Variants in NBDY observed in about 807,000 individuals in gnomAD.
NBDY encodes the protein negative regulator of P-body association.
Position 56,731,982 on chromosome X carries a change from A to G in NBDY, c.*30-81A>G, listed in dbSNP as rs768856991. On this transcript the variant is annotated intron_variant, in intron 1 of 2. Coordinates refer to ENST00000374922, the MANE Select transcript of NBDY (RefSeq NM_001348129.2). ...ATTGAAATAGAGGTATGGGAAGGAT[A>G]ATGATTTGAGGAGACCAAGGGACAA... 5.3e-4 allele frequency: 151 copies of G among 284,210 alleles called. 1 individual carries two copies. Among genetic ancestry groups the G allele is most frequent in the African/African-American group, 4.0e-3 (146 of 36,274 alleles). 23.4% of individuals were successfully genotyped at this position (284,210 alleles called of 1,213,427 possible). A position where few individuals can be genotyped will look rare whatever the true frequency, so the allele number is the denominator to read the frequency against.
intron 2 of NBDY, among the ~76,000 whole-genome samples, chrX:56,758,136 C>G (rs2069620580): frequency 9.1e-6 from 1 of 110,116 alleles, no homozygotes; most frequent in South Asian, 3.9e-4. Context: ...GAATTTGAGA[C>G]CAGCCTGGCA....
chrX:56,767,220 G>A (rs1382389511), intron 2 of NBDY, among the ~76,000 whole-genome samples: 1 of 113,558 alleles, frequency 8.8e-6, no homozygotes, highest in African/African-American at 3.2e-5. Flanking sequence ...ATGAAACCTG[G>A]AGAGGTCCAA....
intron 2 of NBDY, among the ~76,000 whole-genome samples, chrX:56,735,488 C>T (rs1292241847): frequency 1.8e-5 from 2 of 111,816 alleles, no homozygotes; most frequent in African/African-American, 6.5e-5. Flanking sequence ...TCTATTTGTT[C>T]CCCTGTCCTT....
chrX:56,767,266 C>T (rs759502488), intron 2 of NBDY, among the ~76,000 whole-genome samples: 7 of 113,559 alleles, frequency 6.2e-5, no homozygotes, highest in Non-Finnish European at 1.1e-4. Context: ...CACAGCGTTC[C>T]GACAAGGTCT....
At chrX:56,729,768 C>T (rs1303586770) in intron 1 of NBDY, among the ~76,000 whole-genome samples, 179 bp downstream of exon 1, 1 of 111,987 alleles carries the variant, frequency 8.9e-6, no homozygotes, top group Non-Finnish European at 1.9e-5. Context: ...TATTTAACGA[C>T]ATTAAATAAT....
At chrX:56,762,665 C>G (rs1007179966) in intron 2 of NBDY, among the ~76,000 whole-genome samples, 3 of 110,985 alleles carry the variant, frequency 2.7e-5, no homozygotes, top group African/African-American at 9.8e-5. Flanking sequence ...GGAGCCTCAG[C>G]AAGTTTTCCC....
At chrX:56,792,179 T>A (rs1343408735) in intron 2 of NBDY, among the ~76,000 whole-genome samples, 1 of 110,928 alleles carries the variant, frequency 9.0e-6, no homozygotes, top group Non-Finnish European at 1.9e-5. Flanking sequence ...GGTCATCAGT[T>A]TAGTCCCTCT....
chrX:56,796,686 C>G (rs1427069945), intron 2 of NBDY, among the ~76,000 whole-genome samples: 1 of 111,167 alleles, frequency 9.0e-6, no homozygotes, highest in African/African-American at 3.3e-5. Context: ...GGGGGTCCTT[C>G]CCTGCCTTGG....
intron 2 of NBDY, among the ~76,000 whole-genome samples, chrX:56,782,995 A>C (rs764723386): frequency 8.9e-6 from 1 of 112,797 alleles, no homozygotes; most frequent in East Asian, 2.8e-4. Flanking sequence ...ACACACACAC[A>C]CACAGAAGTA....
chrX:56,798,635 G>A (rs1227064391), intron 2 of NBDY, among the ~76,000 whole-genome samples: 2 of 112,080 alleles, frequency 1.8e-5, no homozygotes, highest in Non-Finnish European at 3.8e-5. Context: ...GTCTTGGAAC[G>A]GCAGCCCTTT....
rs1267055188 is a variant in NBDY, at chrX:56,729,421, C to G, written c.68C>G (p.Pro23Arg). 3.4e-6 allele frequency: 1 copy of G among 295,415 alleles called. No individual in the cohort carries two copies. The highest frequency in any genetic ancestry group is 4.8e-5 in the East Asian group (1 of 20,951). 24.3% of individuals were successfully genotyped at this position (295,415 alleles called of 1,213,427 possible). ...CCTGGAAACGCACGGGAAGCCAAGC[C>G]TCCAAAAAAGCGCTGCCTCCTCGCT... ...LPPGNAREAK[P>R]PKKRCLLAPR... The change falls in exon 1 of 3, where the codon CCT becomes CGT. Residue 23 changes from proline (P) to arginine (R), a missense_variant. By Grantham distance (103) the Pro-to-Arg change is moderately radical. Coordinates refer to ENST00000374922, the MANE Select transcript of NBDY (RefSeq NM_001348129.2).
At chrX:56,743,796 G>T (rs1248961423) in intron 2 of NBDY, among the ~76,000 whole-genome samples, 3 of 109,868 alleles carry the variant, frequency 2.7e-5, no homozygotes, top group African/African-American at 9.8e-5. Context: ...TTCGGCTCTG[G>T]TGTTTATTAT....
At chrX:56,792,115 C>T (rs1377156511) in intron 2 of NBDY, among the ~76,000 whole-genome samples, 2 of 111,144 alleles carry the variant, frequency 1.8e-5, no homozygotes, top group African/African-American at 6.6e-5. Context: ...TGTCTGTCTG[C>T]AGCACTAGGC....
intron 2 of NBDY, among the ~76,000 whole-genome samples, chrX:56,816,689 T>C (rs2069912244): frequency 9.1e-6 from 1 of 110,254 alleles, no homozygotes; most frequent in Non-Finnish European, 1.9e-5. Flanking sequence ...AAACTCCAAA[T>C]CTAAATTATT....
chrX:56,783,879 C>T (rs2069711832), intron 2 of NBDY, among the ~76,000 whole-genome samples: 1 of 112,824 alleles, frequency 8.9e-6, no homozygotes, highest in African/African-American at 3.2e-5. Flanking sequence ...CCAAAGAGCA[C>T]CCACCTCATC....
chrX:56,810,894 C>A (rs1413182468), intron 2 of NBDY: 1 of 111,652 alleles, frequency 9.0e-6, no homozygotes, highest in Non-Finnish European at 1.9e-5. Context: ...GATTTATCTA[C>A]CTTTGGTCTT....
intron 2 of NBDY, among the ~76,000 whole-genome samples, chrX:56,793,126 C>T (rs909335638): frequency 8.9e-6 from 1 of 112,003 alleles, no homozygotes; most frequent in African/African-American, 3.2e-5. Flanking sequence ...TTCTGGTGAC[C>T]TCCATGTGCC....
chrX:56,737,634 A>C (rs1027884954), intron 2 of NBDY: 25 of 379,139 alleles, frequency 6.6e-5, no homozygotes, highest in Non-Finnish European at 1.1e-4. Context: ...AAAATTATAC[A>C]CTGGCTGCTC....
chrX:56,789,162 A>T (rs1332696729), intron 2 of NBDY, among the ~76,000 whole-genome samples: 1 of 112,992 alleles, frequency 8.9e-6, no homozygotes, highest in African/African-American at 3.2e-5. Flanking sequence ...CAACGAAGAA[A>T]CTGGCCAAGG....
Sources: gnomAD v4.1 joint callset for allele counts (sites outside exome capture counted in the v4.1 genomes callset) on GRCh38, gnomAD v4.1.1 for gene constraint, MANE v1.5 for transcripts, NCBI Gene and HGNC (gene_info 2026-07-23, HGNC 2026-07-21) for gene names.